ZNF540: variants seen among roughly 807,000 people sequenced by gnomAD.
The protein encoded by ZNF540 is zinc finger protein 540.
A neutral mutation model predicts 11.8 loss-of-function variants in ZNF540; 3 were observed. The ratio of observed to expected loss-of-function variants is 0.25; its 90% CI spans 0.12 to 0.65. The LOEUF is 0.65. Ranked by LOEUF, ZNF540 falls within the 30% of genes least tolerant of loss-of-function variation. The pLI, the probability that ZNF540 is intolerant of heterozygous loss-of-function variation, is 0.83. For synonymous variants in ZNF540, 247 were observed against 259.0 expected (o/e 0.95, Z 0.45); for missense variants, 709 against 793.1 (o/e 0.89, Z 1.27).
At chr19:37,597,838 T>C (rs1408725354) in intron 1 of ZNF540, among the ~76,000 whole-genome samples, 1 of 152,270 alleles carries the variant, frequency 6.6e-6, no homozygotes, top group African/African-American at 2.4e-5. Flanking sequence ...AAAGTAGCCA[T>C]AGTCAGAAGT....
intron 1 of ZNF540, among the ~76,000 whole-genome samples, chr19:37,580,872 C>T (rs2043432270): frequency 6.6e-6 from 1 of 152,192 alleles, no homozygotes; most frequent in Non-Finnish European, 1.5e-5. Context: ...AACCTCTTGT[C>T]TGTATAAATT....
intron 4 of ZNF540, among the ~76,000 whole-genome samples, chr19:37,603,197 G>A (rs927441164): frequency 6.6e-6 from 1 of 151,948 alleles, no homozygotes; most frequent in Non-Finnish European, 1.5e-5. Context: ...AGTAGAAACG[G>A]GGTCTCACTA....
intron 1 of ZNF540, among the ~76,000 whole-genome samples, chr19:37,588,345 A>G (rs765430152): frequency 4.6e-5 from 7 of 152,204 alleles, no homozygotes; most frequent in Non-Finnish European, 1.0e-4. Context: ...AGATTTCAAA[A>G]TACCACTCCT....
At chr19:37,578,744 C>T (rs1303576875) in intron 1 of ZNF540, among the ~76,000 whole-genome samples, 1 of 151,950 alleles carries the variant, frequency 6.6e-6, no homozygotes, top group Non-Finnish European at 1.5e-5. Flanking sequence ...AGATAGCAGA[C>T]CATGCAACCC....
In ZNF540 at chr19:37,613,067, T is replaced by C; in HGVS notation, c.1787T>C (p.Ile596Thr). Residue 596 changes from isoleucine (I) to threonine (T), a missense_variant, in exon 5 of 5, where the codon ATA becomes ACA. Ile to Thr is a moderately conservative substitution (Grantham distance 89). Transcript: ENST00000316433. Reference sequence around the variant, plus strand: ...TTTAGTCGTAGTGTAGACCTTAGAATACATCAAAGAATTCATACTGGTGAG... The same window carrying C: ...TTTAGTCGTAGTGTAGACCTTAGAACACATCAAAGAATTCATACTGGTGAG... ...KAFSRSVDLR[I>T]HQRIHTGEKP... The C allele has an allele frequency of 6.2e-7, 1 of 1,613,752 alleles. No individual in the cohort carries two copies. The highest frequency in any genetic ancestry group is 8.5e-7 in the Non-Finnish European group (1 of 1,179,872).
chr19:37,568,671 C>T (rs2042951004), intron 1 of ZNF540, among the ~76,000 whole-genome samples: 1 of 152,124 alleles, frequency 6.6e-6, no homozygotes, highest in African/African-American at 2.4e-5. Context: ...ATACCAAAGT[C>T]TCAGAACTGT....
rs113448905 is a variant in ZNF540, at chr19:37,603,452, A to G, written c.232+2347A>G. Among the ~76,000 whole-genome samples the G allele has an allele frequency of 3.1e-3, 477 of 152,316 alleles. 2 individuals carry two copies. The highest frequency in any genetic ancestry group is 0.011 in the African/African-American group (460 of 41,566). On this transcript the variant is annotated intron_variant, in intron 4 of 4. Transcript: ENST00000316433. ...AATTTAGAGAACTATAGATACGACAATGGATATAGGTGGGTTGATTGATGT... is the reference window on the plus strand; with the variant it reads ...AATTTAGAGAACTATAGATACGACAGTGGATATAGGTGGGTTGATTGATGT...
At chr19:37,566,577 C>T (rs1205285268) in intron 1 of ZNF540, 1 of 267,258 alleles carries the variant, frequency 3.7e-6, no homozygotes, top group Non-Finnish European at 7.0e-6. Flanking sequence ...TAAAAACACC[C>T]TCTTGAAAAC....
chr19:37,568,566 T>A (rs1032541117), intron 1 of ZNF540, among the ~76,000 whole-genome samples: 4 of 152,122 alleles, frequency 2.6e-5, no homozygotes, highest in African/African-American at 9.7e-5. Context: ...GGAAGAAATA[T>A]TAATCTAATA....
At chr19:37,573,514 C>T (rs2043136801) in intron 1 of ZNF540, among the ~76,000 whole-genome samples, 1 of 152,114 alleles carries the variant, frequency 6.6e-6, no homozygotes, top group Admixed American at 6.6e-5. Flanking sequence ...CTTATTAATA[C>T]ACTTTTATCT....
chr19:37,586,677 G>T, intron 1 of ZNF540: 2 of 1,614,062 alleles, frequency 1.2e-6, no homozygotes, highest in Non-Finnish European at 8.5e-7. Context: ...CGTGGGGCAT[G>T]GTTTTTTAGA....
At chr19:37,553,101 A>T (rs1600436003) in intron 1 of ZNF540, among the ~76,000 whole-genome samples, 1 of 53,012 alleles carries the variant, frequency 1.9e-5, no homozygotes, top group Non-Finnish European at 3.9e-5. Flanking sequence ...CTTTTTTTAT[A>T]TAACCTAACA....
At chr19:37,560,235 G>A (rs527581031) in intron 1 of ZNF540, among the ~76,000 whole-genome samples, 85 of 151,238 alleles carry the variant, frequency 5.6e-4, no homozygotes, top group African/African-American at 1.6e-3. Context: ...CTGAGATTGC[G>A]CCACTGCACT....
At chr19:37,598,701 A>G (rs1417951115) in intron 2 of ZNF540, among the ~76,000 whole-genome samples, 1 of 152,162 alleles carries the variant, frequency 6.6e-6, no homozygotes, top group African/African-American at 2.4e-5. Flanking sequence ...AGGGGGAGGT[A>G]CTTTACCATC....
At chr19:37,571,423 G>A (rs1369220973) in intron 1 of ZNF540, among the ~76,000 whole-genome samples, 1 of 150,874 alleles carries the variant, frequency 6.6e-6, no homozygotes, top group African/African-American at 2.4e-5. Flanking sequence ...CTGAACCCAG[G>A]AAGTGGAGGT....
chr19:37,611,683 AAAG>A lies in ZNF540; in HGVS notation c.406_408del (p.Glu136del). ...TGAGTTTGAGGGTCAACAGGGACTT[AAAG>A]AAAGATCTATCAGTCAAAAGAAAAT... On this transcript the variant is annotated inframe_deletion, in exon 5 of 5. Coordinates refer to ENST00000316433, the MANE Select transcript of ZNF540 (RefSeq NM_001172225.3). 1.2e-6 allele frequency: 2 copies of A among 1,613,994 alleles called. No homozygotes were observed. The highest frequency in any genetic ancestry group is 1.7e-6 in the Non-Finnish European group (2 of 1,179,954).
At chr19:37,591,420 CAT>C (rs905676105), upstream of ZNF540, among the ~76,000 whole-genome samples, 1 of 152,168 alleles carries the variant, frequency 6.6e-6, no homozygotes, top group African/African-American at 2.4e-5. Context: ...TAGTTCGAAA[CAT>C]ATGGTATTCA....
intron 1 of ZNF540, among the ~76,000 whole-genome samples, chr19:37,589,059 G>A (rs913473374): frequency 5.3e-5 from 8 of 152,020 alleles, no homozygotes; most frequent in Non-Finnish European, 8.8e-5. Flanking sequence ...AATTAGCTGG[G>A]TGTGGTGGCG....
chr19:37,612,770 G>T lies in ZNF540; in HGVS notation c.1490G>T (p.Cys497Phe). 4 of 1,614,058 alleles carry T rather than the reference G, an allele frequency of 2.5e-6. No individual in the cohort carries two copies. Among genetic ancestry groups the T allele is most frequent in the Non-Finnish European group, 3.4e-6 (4 of 1,179,996 alleles). Residue 497 changes from cysteine to phenylalanine, a missense_variant, in exon 5 of 5, where the codon TGT (cysteine) becomes TTT (phenylalanine). Transcript: ENST00000316433. Reference sequence around the variant, plus strand: ...CATACTGATGTGAAGCCCTACAAATGTGTACGATGTGGGAAGACCTTTAGA... The same window carrying T: ...CATACTGATGTGAAGCCCTACAAATTTGTACGATGTGGGAAGACCTTTAGA... ...KIHTDVKPYK[C>F]VRCGKTFRFG...
Sources: allele counts gnomAD v4.1 joint callset (sites outside exome capture counted in the v4.1 genomes callset), GRCh38; gene constraint gnomAD v4.1.1; transcripts MANE v1.5; gene names NCBI Gene and HGNC (gene_info 2026-07-23, HGNC 2026-07-21).